The following RRM2 variants were observed in gnomAD, a reference collection of about 807,000 sequenced individuals.
The protein encoded by RRM2 is ribonucleotide reductase regulatory subunit M2, also known as ribonucleoside-diphosphate reductase subunit M2.
In RRM2, 6 loss-of-function variants were observed where a neutral mutation model predicts 45.9. The ratio of observed to expected loss-of-function variants is 0.13; its 90% confidence interval spans 0.07 to 0.26. The LOEUF (loss-of-function observed/expected upper bound fraction) is 0.26, where lower values mean the gene tolerates loss of function less well. Ranked by LOEUF, RRM2 falls within the 10% of genes least tolerant of loss-of-function variation. RRM2 has a pLI of 1.00. For synonymous variants in RRM2, 177 were observed against 173.0 expected (o/e 1.02, Z -0.18); for missense variants, 343 against 489.5 (o/e 0.70, Z 2.82).
chr2:10,156,774 G>A (rs1013112988), intron 3 of RRM2, among the ~76,000 whole-genome samples: 5 of 152,160 alleles, frequency 3.3e-5, no homozygotes, highest in African/African-American at 1.2e-4. Context: ...GAGTAGCTGG[G>A]ATTACAGGCC....
chr2:10,131,184 C>T lies in RRM2; in HGVS notation c.*1798C>T, dbSNP rs987635024. The T allele has an allele frequency of 2.0e-5, 3 of 151,990 alleles. No homozygotes were observed. Among genetic ancestry groups the T allele is most frequent in the Non-Finnish European group, 4.4e-5 (3 of 68,014 alleles). 9.4% of individuals were successfully genotyped at this position (151,990 alleles called of 1,614,324 possible). ...TAAAGTTAATCCAGATTATATGGTC[C>T]TTATATGTGTACAACATTAAAATGA... is the stretch of plus-strand genomic sequence containing the variant. On this transcript the variant is annotated 3_prime_UTR_variant, in exon 10 of 10. Coordinates refer to ENST00000304567, the MANE Select transcript of RRM2 (RefSeq NM_001034.4).
intron 3 of RRM2, among the ~76,000 whole-genome samples, chr2:10,191,065 G>C (rs1436771689): frequency 1.3e-5 from 2 of 152,174 alleles, no homozygotes; most frequent in Non-Finnish European, 2.9e-5. Flanking sequence ...CAAAGGCATG[G>C]CGAGATGAGC....
intron 3 of RRM2, among the ~76,000 whole-genome samples, chr2:10,184,379 C>T (rs1345228601): frequency 6.6e-6 from 1 of 152,226 alleles, no homozygotes; most frequent in African/African-American, 2.4e-5. Flanking sequence ...TTTGCGTAGC[C>T]AACTCTCCTG....
At chr2:10,168,516 G>A (rs1476343316) in intron 3 of RRM2, among the ~76,000 whole-genome samples, 2 of 152,078 alleles carry the variant, frequency 1.3e-5, no homozygotes, top group Admixed American at 1.3e-4. Flanking sequence ...AGTCAGATAA[G>A]GGAAACTCCA....
intron 3 of RRM2, among the ~76,000 whole-genome samples, chr2:10,149,223 G>C (rs1663255529): frequency 1.3e-5 from 2 of 151,896 alleles, no homozygotes; most frequent in South Asian, 4.2e-4. Flanking sequence ...CTGCCTCCTG[G>C]GATCAAGCGA....
At chr2:10,210,337 C>T (rs772831233) in exon 4 of RRM2, 46 of 1,367,518 alleles carry the variant, frequency 3.4e-5, no homozygotes, top group East Asian at 4.5e-5. Context: ...CCAGTTCTCT[C>T]ACTGCAGAGT....
At position 10,129,434 on chromosome 2, in the gene RRM2, CAT is replaced by C. The variant is rs1558381748; in HGVS notation, c.*50_*51del. On this transcript the variant is annotated 3_prime_UTR_variant, in exon 10 of 10. Coordinates refer to ENST00000304567, the MANE Select transcript of RRM2 (RefSeq NM_001034.4). This position sits in a 1 kb window ranked among gnomAD's most constrained non-coding sequence, Gnocchi z 4.8. ...CTTGGCTGATTTTTTTTTTCCATCT[CAT>C]AAGAAAAATCAGCTGAAGTGTTACC... 4 of 1,563,098 alleles carry C rather than the reference CAT, an allele frequency of 2.6e-6. No homozygotes were observed. Among genetic ancestry groups the C allele is most frequent in the Non-Finnish European group, 1.7e-6 (2 of 1,157,612 alleles).
intron 3 of RRM2, among the ~76,000 whole-genome samples, chr2:10,209,115 T>C (rs1390345880): frequency 4.0e-5 from 6 of 150,008 alleles, no homozygotes; most frequent in Non-Finnish European, 8.9e-5. Context: ...TGGAGTGCAA[T>C]GGTGCAATCT....
At chr2:10,164,767 CACTT>C (rs1225049639) in intron 3 of RRM2, among the ~76,000 whole-genome samples, 1 of 152,154 alleles carries the variant, frequency 6.6e-6, no homozygotes, top group East Asian at 1.9e-4. Context: ...GTGCCCCCGT[CACTT>C]ACAAGCCAGG....
At position 10,127,280 on chromosome 2, in the gene RRM2, T is replaced by C. The variant is rs1572488865; in HGVS notation, c.798+60T>C. The C allele has an allele frequency of 1.3e-6, 2 of 1,564,856 alleles. No individual in the cohort carries two copies. Among genetic ancestry groups the C allele is most frequent in the South Asian group, 2.2e-5 (2 of 89,224 alleles). On this transcript the variant is annotated intron_variant, in intron 7 of 9. Transcript: ENST00000304567. The surrounding 1 kb of genome is among the most constrained non-coding windows in gnomAD (Gnocchi z 4.1). ...CCCAAACACAACTCGGGCATGCTCT[T>C]GTGTTCACTGACGGGGACCTGAGAT...
intron 3 of RRM2, among the ~76,000 whole-genome samples, chr2:10,191,199 A>T (rs555818958): frequency 4.6e-5 from 7 of 152,256 alleles, no homozygotes; most frequent in African/African-American, 1.7e-4. Context: ...GGAGCCCCCC[A>T]GCTGTGCCTA....
intron 3 of RRM2, among the ~76,000 whole-genome samples, chr2:10,158,978 G>A (rs939772283): frequency 1.3e-5 from 2 of 152,208 alleles, no homozygotes; most frequent in South Asian, 2.1e-4. Flanking sequence ...ACAGTGCCGC[G>A]GGGCTGGCCC....
intron 3 of RRM2, among the ~76,000 whole-genome samples, chr2:10,191,186 C>T (rs537095143): frequency 2.6e-5 from 4 of 152,276 alleles, no homozygotes; most frequent in South Asian, 4.1e-4. Context: ...ACTGCTCGTG[C>T]CTGGAGCCCC....
intron 3 of RRM2, among the ~76,000 whole-genome samples, chr2:10,203,277 G>A (rs1330545321): frequency 6.6e-6 from 1 of 152,132 alleles, no homozygotes; most frequent in Non-Finnish European, 1.5e-5. Flanking sequence ...GGGTGGTGTG[G>A]CTTAAGGATG....
intron 3 of RRM2, among the ~76,000 whole-genome samples, chr2:10,170,485 G>A (rs370244759): frequency 6.6e-6 from 1 of 152,156 alleles, no homozygotes; most frequent in African/African-American, 2.4e-5. Flanking sequence ...TGAATGGGCT[G>A]TAATGTCAGC....
At chr2:10,137,924 A>G (rs1304120115), upstream of RRM2, among the ~76,000 whole-genome samples, 1 of 152,180 alleles carries the variant, frequency 6.6e-6, no homozygotes, top group Non-Finnish European at 1.5e-5. Flanking sequence ...TGTGGGTCCC[A>G]ATGTTACTGA....
At chr2:10,122,919 T>C in intron 1 of RRM2, 22 bp downstream of exon 1, 2 of 1,560,280 alleles carry the variant, frequency 1.3e-6, no homozygotes, top group Non-Finnish European at 1.7e-6. Context: ...GGGAGGGCGC[T>C]GCGGGCAGGG....
rs748130919 is a variant in RRM2, at chr2:10,123,068, G to A, written c.174+11G>A. ...GAGCCCACGGAGCCGGTGAGTGGCG[G>A]GCGTGGGGCAGAGGGGCCAGGGACG... On this transcript the variant is annotated intron_variant, in intron 2 of 9. Coordinates refer to ENST00000304567, the MANE Select transcript of RRM2 (RefSeq NM_001034.4). 6.5e-7 allele frequency: 1 copy of A among 1,546,314 alleles called. No individual in the cohort carries two copies. The highest frequency in any genetic ancestry group is 8.7e-7 in the Non-Finnish European group (1 of 1,152,672).
chr2:10,187,930 G>C (rs990793375), intron 3 of RRM2, among the ~76,000 whole-genome samples: 4 of 152,204 alleles, frequency 2.6e-5, no homozygotes, highest in Non-Finnish European at 4.4e-5. Flanking sequence ...TCAGCTTCCT[G>C]TGGGGACTCT....
Sources: gnomAD v4.1 joint callset for allele counts (sites outside exome capture counted in the v4.1 genomes callset) on GRCh38, gnomAD v4.1.1 for gene constraint, Gnocchi (gnomAD v3.1) non-coding constraint, MANE v1.5 for transcripts, NCBI Gene and HGNC (gene_info 2026-07-23, HGNC 2026-07-21) for gene names.